The following RSRC1 variants were observed in gnomAD, a reference collection of about 807,000 sequenced individuals.
The protein encoded by RSRC1 is serine/Arginine-related protein 53.
A neutral mutation model predicts 49.1 loss-of-function variants in RSRC1; 39 were observed. That is an observed-to-expected ratio of 0.79 (90% CI 0.61 to 1.04). The LOEUF (loss-of-function observed/expected upper bound fraction) is 1.04. Among genes scored for constraint, RSRC1 ranks in the 50% least tolerant of loss-of-function variants. RSRC1 has a pLI of 0.00. For missense variants in RSRC1, 388 were observed against 402.4 expected (o/e 0.96, Z 0.31); for synonymous variants, 143 against 130.8 (o/e 1.09, Z -0.63).
At position 158,544,528 on chromosome 3, in the gene RSRC1, CTGTTAAAATGAATGG is replaced by C. The variant is rs926830459; in HGVS notation, c.*255_*269del. Reference sequence around the variant, plus strand: ...TTAATAAAGCTAAACATAAATAAGTCTGTTAAAATGAATGGTAGACACTAGTGTTTCTTAGTGCAA... The same window carrying C: ...TTAATAAAGCTAAACATAAATAAGTCTAGACACTAGTGTTTCTTAGTGCAA... On this transcript the variant is annotated 3_prime_UTR_variant, in exon 10 of 10. Coordinates refer to ENST00000611884, the MANE Select transcript of RSRC1 (RefSeq NM_001271838.2). The C allele has an allele frequency of 5.1e-5, 13 of 253,276 alleles. No homozygotes were observed. Among genetic ancestry groups the C allele is most frequent in the Non-Finnish European group, 8.9e-5 (12 of 135,208 alleles). 15.7% of individuals were successfully genotyped at this position (253,276 alleles called of 1,614,324 possible).
intron 4 of RSRC1, among the ~76,000 whole-genome samples, chr3:158,295,634 G>C (rs953997078): frequency 2.0e-5 from 3 of 152,056 alleles, no homozygotes; most frequent in African/African-American, 7.2e-5. Context: ...GGGCCCTATG[G>C]TTGATTACAT....
At chr3:158,153,658 T>G (rs1042295693) in intron 3 of RSRC1, among the ~76,000 whole-genome samples, 2 of 152,164 alleles carry the variant, frequency 1.3e-5, no homozygotes, top group Non-Finnish European at 2.9e-5. Flanking sequence ...TCTTACAATC[T>G]AAGAAAGGTT....
intron 4 of RSRC1, among the ~76,000 whole-genome samples, chr3:158,292,205 A>C (rs1026084685): frequency 6.6e-6 from 1 of 152,186 alleles, no homozygotes; most frequent in African/African-American, 2.4e-5. Context: ...GTGCTGCCTC[A>C]ACTACAAATT....
At chr3:158,519,770 A>G (rs1170821689) in intron 7 of RSRC1, among the ~76,000 whole-genome samples, 1 of 152,166 alleles carries the variant, frequency 6.6e-6, no homozygotes, top group Non-Finnish European at 1.5e-5. Context: ...AGTTTGGGAA[A>G]GATGTTAAGG....
intron 3 of RSRC1, among the ~76,000 whole-genome samples, chr3:158,194,156 C>T (rs564595678): frequency 7.2e-5 from 11 of 151,878 alleles, no homozygotes; most frequent in Admixed American, 6.6e-4. Flanking sequence ...CATCTGTAGT[C>T]CCAGCTACTT....
intron 5 of RSRC1, among the ~76,000 whole-genome samples, chr3:158,339,921 A>C (rs893811541): frequency 6.6e-6 from 1 of 152,248 alleles, no homozygotes; most frequent in Non-Finnish European, 1.5e-5. Context: ...GGGAGAAAAT[A>C]AGCTAAAACT....
chr3:158,276,153 T>G (rs2108065893), intron 4 of RSRC1: 2 of 916,046 alleles, frequency 2.2e-6, no homozygotes, highest in South Asian at 2.6e-5. Flanking sequence ...CTTTAGCTGG[T>G]TAACACCATG....
Position 158,402,741 on chromosome 3 carries a change from T to C in RSRC1, c.583+47833T>C, listed in dbSNP as rs113756564. 7.2e-3 allele frequency among the ~76,000 whole-genome samples: 1,099 copies of C among 152,012 alleles called. 14 individuals carry two copies. The highest frequency in any genetic ancestry group is 0.026 in the African/African-American group (1,067 of 41,546). On this transcript the variant is annotated intron_variant, in intron 6 of 9. Transcript: ENST00000611884. ...TAGAATATAAGAATTAAAGAACATT[T>C]GTCATTTGCTGACTCATACTTCTAT...
chr3:158,520,201 A>G (rs879488580), intron 7 of RSRC1, among the ~76,000 whole-genome samples: 1 of 152,146 alleles, frequency 6.6e-6, no homozygotes, highest in Non-Finnish European at 1.5e-5. Flanking sequence ...AAATTGGCCC[A>G]TTCTATTTTG....
At chr3:158,350,612 T>C (rs1305369085) in intron 5 of RSRC1, among the ~76,000 whole-genome samples, 1 of 152,216 alleles carries the variant, frequency 6.6e-6, no homozygotes, top group African/African-American at 2.4e-5. Flanking sequence ...CTTCTATCTG[T>C]AGAAATAGTG....
intron 4 of RSRC1, among the ~76,000 whole-genome samples, chr3:158,230,369 G>T (rs1722881232): frequency 2.0e-5 from 3 of 152,032 alleles, no homozygotes; most frequent in Admixed American, 6.6e-5. Context: ...AATCTGATTT[G>T]GCAGTCTAAG....
intron 4 of RSRC1, among the ~76,000 whole-genome samples, chr3:158,281,987 G>T (rs992403517): frequency 6.6e-6 from 1 of 152,144 alleles, no homozygotes. Context: ...TGCCTGGCAG[G>T]CCTCATGGAA....
intron 3 of RSRC1, among the ~76,000 whole-genome samples, chr3:158,150,826 A>G (rs189086408): frequency 2.1e-4 from 32 of 152,162 alleles, no homozygotes; most frequent in Non-Finnish European, 4.0e-4. Context: ...ATCTATATCT[A>G]ATTTTCTTGT....
At chr3:158,195,989 T>G (rs952926050) in intron 3 of RSRC1, among the ~76,000 whole-genome samples, 1 of 152,134 alleles carries the variant, frequency 6.6e-6, no homozygotes. Context: ...GGGCTCTTTT[T>G]TGGTTCCATA....
intron 4 of RSRC1, among the ~76,000 whole-genome samples, chr3:158,279,953 G>C (rs575872854): frequency 5.3e-5 from 8 of 152,286 alleles, no homozygotes; most frequent in South Asian, 2.1e-4. Flanking sequence ...TGGTCAGCTG[G>C]TGTTACTGCC....
chr3:158,423,437 T>A (rs1735199072), intron 6 of RSRC1, among the ~76,000 whole-genome samples: 1 of 152,120 alleles, frequency 6.6e-6, no homozygotes, highest in African/African-American at 2.4e-5. Flanking sequence ...TTGATCTATA[T>A]CTCTGTTTTG....
intron 3 of RSRC1, among the ~76,000 whole-genome samples, chr3:158,185,539 C>T (rs752941528): frequency 1.3e-4 from 19 of 151,850 alleles, no homozygotes; most frequent in Non-Finnish European, 2.5e-4. Context: ...CTGTAAACAT[C>T]ATTTTGCTTT....
intron 6 of RSRC1, among the ~76,000 whole-genome samples, chr3:158,423,617 G>C (rs1416621130): frequency 6.6e-6 from 1 of 152,144 alleles, no homozygotes; most frequent in East Asian, 1.9e-4. Context: ...TGTGAAGAAA[G>C]GCATTGGTAG....
At position 158,270,719 on chromosome 3, in the gene RSRC1, A is replaced by G. The variant is rs1269604351; in HGVS notation, c.495-27320A>G. On this transcript the variant is annotated intron_variant, in intron 4 of 9. Coordinates refer to ENST00000611884, the MANE Select transcript of RSRC1 (RefSeq NM_001271838.2). Reference sequence around the variant, plus strand: ...GTTTTAAGTTTCCTGGTTTTCTGCTATAGCTTAAATTTTATAAGGACTTTA... The same window carrying G: ...GTTTTAAGTTTCCTGGTTTTCTGCTGTAGCTTAAATTTTATAAGGACTTTA... 4.6e-5 allele frequency among the ~76,000 whole-genome samples: 7 copies of G among 152,284 alleles called. No individual in the cohort carries two copies. The East Asian group carries it at 1.3e-3, about 29-fold the overall frequency.
Sources: allele counts gnomAD v4.1 joint callset (sites outside exome capture counted in the v4.1 genomes callset), GRCh38; gene constraint gnomAD v4.1.1; transcripts MANE v1.5; gene names NCBI Gene and HGNC (gene_info 2026-07-23, HGNC 2026-07-21).